FRMPD4: variants seen among roughly 807,000 people sequenced by gnomAD.
The protein encoded by FRMPD4 is FERM and PDZ domain containing 4.
In FRMPD4, 22 loss-of-function variants were observed where a neutral mutation model predicts 94.1. That is an observed-to-expected ratio of 0.23 (90% CI 0.17 to 0.33). FRMPD4 has a LOEUF of 0.33. FRMPD4 is among the 10% of genes least tolerant of loss of function. The pLI is 1.00. For synonymous variants in FRMPD4, 631 were observed against 548.6 expected, an observed-to-expected ratio of 1.15 and a Z score of -2.10; for missense variants, 1,111 against 1,339.9, an observed-to-expected ratio of 0.83 and a Z score of 2.67.
intron 2 of FRMPD4, among the ~76,000 whole-genome samples, chrX:12,572,708 A>G (rs2058771304): frequency 8.9e-6 from 1 of 111,867 alleles, no homozygotes; most frequent in African/African-American, 3.2e-5. Context: ...GACATAAGAC[A>G]GATTAATAGG....
At chrX:11,915,735 T>C (rs1247594519) in intron 3 of FRMPD4, among the ~76,000 whole-genome samples, 2 of 112,039 alleles carry the variant, frequency 1.8e-5, no homozygotes, top group East Asian at 2.8e-4. Context: ...GGTGTAGAGA[T>C]AGTGAACTCA....
At chrX:11,880,262 G>A (rs1056921666) in intron 3 of FRMPD4, among the ~76,000 whole-genome samples, 47 of 110,935 alleles carry the variant, frequency 4.2e-4, no homozygotes, top group African/African-American at 1.5e-3. Context: ...TCTAAAATGA[G>A]GATAATACCT....
chrX:12,348,589 GAAAAAAAAA>G (rs35385075), intron 1 of FRMPD4, among the ~76,000 whole-genome samples: 2 of 66,106 alleles, frequency 3.0e-5, no homozygotes, highest in African/African-American at 1.1e-4. Context: ...ATGCTTCCAG[GAAAAAAAAA>G]AAAAAAAAAA....
At chrX:12,094,886 TG>T (rs2055185176) in intron 3 of FRMPD4, among the ~76,000 whole-genome samples, 1 of 112,021 alleles carries the variant, frequency 8.9e-6, no homozygotes, top group Non-Finnish European at 1.9e-5. Context: ...GTATAATTAT[TG>T]GTAAGGGAGT....
intron 3 of FRMPD4, among the ~76,000 whole-genome samples, chrX:12,004,237 C>T (rs1224636008): frequency 8.9e-6 from 1 of 112,087 alleles, no homozygotes; most frequent in Admixed American, 9.4e-5. Flanking sequence ...CCAAGGTCTG[C>T]CATTCTGATT....
chrX:12,521,209 C>T (rs1204458237), intron 2 of FRMPD4, among the ~76,000 whole-genome samples: 1 of 112,182 alleles, frequency 8.9e-6, no homozygotes, highest in African/African-American at 3.2e-5. Context: ...CTATAGTTTG[C>T]AGACTCCCGT....
chrX:11,994,459 A>G (rs893612961), intron 3 of FRMPD4, among the ~76,000 whole-genome samples: 2 of 111,532 alleles, frequency 1.8e-5, no homozygotes, highest in African/African-American at 6.5e-5. Flanking sequence ...TTACTACAAT[A>G]TAGTCAGGAC....
At position 11,961,393 on chromosome X, in the gene FRMPD4, G is replaced by A. The variant is rs187171097; in HGVS notation, c.95+83375G>A. Among the ~76,000 whole-genome samples, 26 of 112,261 alleles carry A rather than the reference G, an allele frequency of 2.3e-4. No homozygotes were observed. In the Admixed American group the frequency reaches 2.5e-3, roughly 11 times the overall value. Reference sequence around the variant, plus strand: ...CTTGGTGTCCTCACTTGGCAGGGATGGAAAGTTGATTCTTCATATCATGGG... The same window carrying A: ...CTTGGTGTCCTCACTTGGCAGGGATAGAAAGTTGATTCTTCATATCATGGG... On this transcript the variant is annotated intron_variant, in intron 3 of 18. Coordinates refer to the FRMPD4 transcript ENST00000640291.
At chrX:11,848,323 T>A (rs1394006789) in intron 1 of FRMPD4, among the ~76,000 whole-genome samples, 1 of 111,437 alleles carries the variant, frequency 9.0e-6, no homozygotes, top group Admixed American at 9.5e-5. Flanking sequence ...TCCCCTCATT[T>A]TAACTTTTTT....
chrX:12,640,675 G>T (rs1299344579), intron 4 of FRMPD4, among the ~76,000 whole-genome samples: 1 of 112,263 alleles, frequency 8.9e-6, no homozygotes, highest in Non-Finnish European at 1.9e-5. Flanking sequence ...TATGTTCCCA[G>T]TATGGCCTTG....
chrX:12,329,333 G>C (rs910490420), intron 1 of FRMPD4, among the ~76,000 whole-genome samples: 2 of 111,142 alleles, frequency 1.8e-5, no homozygotes, highest in Non-Finnish European at 3.8e-5. Flanking sequence ...AGTTATAATA[G>C]TATTTTCAGG....
intron 3 of FRMPD4, among the ~76,000 whole-genome samples, chrX:11,999,588 T>C (rs1208628850): frequency 1.8e-5 from 2 of 111,996 alleles, no homozygotes; most frequent in South Asian, 3.7e-4. Context: ...GTTTGAAACA[T>C]AATGGGGGAA....
chrX:12,091,481 C>T (rs1361640596), intron 3 of FRMPD4, among the ~76,000 whole-genome samples: 1 of 112,478 alleles, frequency 8.9e-6, no homozygotes, highest in African/African-American at 3.2e-5. Context: ...TTTACATAAA[C>T]AATGGGCTAG....
In FRMPD4 at chrX:12,184,477, C is replaced by G. The variant is rs186627397; in HGVS notation, c.41+45465C>G. On this transcript the variant is annotated intron_variant, in intron 1 of 16. Transcript: ENST00000675598. ...AGACAAATTGCAATCTAAGCTACCACTAAGAACGATAAAAAATGACAATGA... is the reference window on the plus strand; with the variant it reads ...AGACAAATTGCAATCTAAGCTACCAGTAAGAACGATAAAAAATGACAATGA... 1.0e-3 allele frequency among the ~76,000 whole-genome samples: 112 copies of G among 111,983 alleles called. 1 individual carries two copies. Among genetic ancestry groups the G allele is most frequent in the Middle Eastern group, 9.3e-3 (2 of 216 alleles).
At chrX:11,863,599 G>T (rs1244562325) in intron 1 of FRMPD4, among the ~76,000 whole-genome samples, 9 of 111,002 alleles carry the variant, frequency 8.1e-5, no homozygotes, top group African/African-American at 2.9e-4. Flanking sequence ...ATTTTATAAT[G>T]CAATCATAAA....
At chrX:11,953,705 A>G (rs1001643192) in intron 3 of FRMPD4, among the ~76,000 whole-genome samples, 1 of 111,616 alleles carries the variant, frequency 9.0e-6, no homozygotes, top group Non-Finnish European at 1.9e-5. Flanking sequence ...GGGGAGAGCG[A>G]TGAGCAGGAA....
chrX:11,841,525 T>G (rs2053536651), intron 1 of FRMPD4, among the ~76,000 whole-genome samples: 1 of 109,677 alleles, frequency 9.1e-6, no homozygotes, highest in Admixed American at 9.8e-5. Context: ...TCATGTGTTT[T>G]TTGGCTGCAT....
chrX:12,479,768 G>C (rs1288904809), intron 1 of FRMPD4, among the ~76,000 whole-genome samples: 3 of 110,038 alleles, frequency 2.7e-5, no homozygotes. Context: ...CCAAAGTATT[G>C]GGATTATAGG....
At chrX:12,671,711 A>G (rs190452797) in intron 4 of FRMPD4, among the ~76,000 whole-genome samples, 1,443 of 110,544 alleles carry the variant, frequency 0.013, 27 homozygotes, top group African/African-American at 0.045. Flanking sequence ...TTCTGCACAT[A>G]TACCCCAGAA....
Sources: gnomAD v4.1 joint callset for allele counts (sites outside exome capture counted in the v4.1 genomes callset) on GRCh38, gnomAD v4.1.1 for gene constraint, MANE v1.5 for transcripts, NCBI Gene and HGNC (gene_info 2026-07-23, HGNC 2026-07-21) for gene names.